The following PBK variants were observed in gnomAD, a reference collection of about 807,000 sequenced individuals.
PBK encodes lymphokine-activated killer T-cell-originated protein kinase.
In PBK, 22 loss-of-function variants were observed where a neutral mutation model predicts 33.5. The ratio of observed to expected loss-of-function variants is 0.66; its 90% CI spans 0.47 to 0.94. PBK has a LOEUF of 0.94. PBK is among the 40% of genes least tolerant of loss of function. The probability of loss-of-function intolerance (pLI) is 0.00; values close to 1 mark genes in which losing one functional copy is unlikely to be tolerated. For missense variants in PBK, 376 were observed against 383.4 expected (o/e 0.98, Z 0.16); for synonymous variants, 129 against 123.8 (o/e 1.04, Z -0.28).
chr8:27,837,524 C>T (rs1806249100), intron 1 of PBK, 128 bp downstream of exon 1: 2 of 152,234 alleles, frequency 1.3e-5, no homozygotes, highest in African/African-American at 4.8e-5. Flanking sequence ...CAGGGGCTCA[C>T]AAGGGGCTGG....
chr8:27,835,553 A>ATT (rs5890383), intron 1 of PBK, among the ~76,000 whole-genome samples: 86 of 145,250 alleles, frequency 5.9e-4, no homozygotes, highest in Middle Eastern at 7.1e-3. Flanking sequence ...ATCTTCTAAG[A>ATT]TTTTTTTTTT....
At chr8:27,817,288 G>C (rs916059659) in intron 6 of PBK, among the ~76,000 whole-genome samples, 3 of 151,932 alleles carry the variant, frequency 2.0e-5, no homozygotes, top group Non-Finnish European at 2.9e-5. Flanking sequence ...AGGGTTTATG[G>C]CTACAAAGGA....
intron 6 of PBK, among the ~76,000 whole-genome samples, chr8:27,814,496 TA>T (rs1201387343): frequency 2.0e-5 from 3 of 152,152 alleles, no homozygotes; most frequent in Non-Finnish European, 4.4e-5. Context: ...GTTAATATTT[TA>T]TAGTATTTGT....
At position 27,820,732 on chromosome 8, in the gene PBK, C is replaced by T. The variant is rs144126371; in HGVS notation, c.466-38G>A. ...AAAATTTAACACATATGTGCAGAAA[C>T]ACAAACTAATAAAAAAATGTGATAA... On this transcript the variant is annotated intron_variant, in intron 5 of 7. Transcript: ENST00000301905. 4.9e-6 allele frequency: 6 copies of T among 1,215,142 alleles called. No individual in the cohort carries two copies. In the African/African-American group the frequency reaches 6.2e-5, roughly 13 times the overall value. The allele number at this position is 1,215,142 out of a possible 1,614,324, so 75.3% of individuals were successfully genotyped here.
intron 6 of PBK, among the ~76,000 whole-genome samples, chr8:27,814,753 C>G (rs1187750401): frequency 6.6e-6 from 1 of 152,120 alleles, no homozygotes; most frequent in African/African-American, 2.4e-5. Flanking sequence ...TTTTATTTGA[C>G]CCATAGGTTA....
In PBK at chr8:27,810,212, A is replaced by T; in HGVS notation, c.*93T>A. The stretch of plus-strand genomic sequence containing the variant: ...AGAAACTATGGTCCTCAAATATGCC[A>T]ATTTTAGAGTCTAATAACTACTGAT... On this transcript the variant is annotated 3_prime_UTR_variant, in exon 8 of 8. Coordinates refer to ENST00000301905, the MANE Select transcript of PBK (RefSeq NM_018492.4). The T allele has an allele frequency of 1.2e-6, 1 of 842,572 alleles. No individual in the cohort carries two copies. The highest frequency in any genetic ancestry group is 1.7e-5 in the African/African-American group (1 of 57,888). The allele number at this position is 842,572 out of a possible 1,614,324, so 52.2% of individuals were successfully genotyped here.
intron 6 of PBK, among the ~76,000 whole-genome samples, chr8:27,817,344 A>G (rs894274174): frequency 1.3e-5 from 2 of 152,178 alleles, no homozygotes; most frequent in African/African-American, 4.8e-5. Context: ...ACTGCTCTAG[A>G]AAGTCTTGCT....
chr8:27,837,443 A>T (rs1806247221), intron 1 of PBK, among the ~76,000 whole-genome samples: 1 of 152,046 alleles, frequency 6.6e-6, no homozygotes, highest in Non-Finnish European at 1.5e-5. Flanking sequence ...GGGCCGCATG[A>T]CTCTCAGGTC....
intron 5 of PBK, among the ~76,000 whole-genome samples, chr8:27,821,694 A>G (rs1805932212): frequency 6.6e-6 from 1 of 152,194 alleles, no homozygotes; most frequent in South Asian, 2.1e-4. Context: ...GCAGATTTCA[A>G]AAGATACCAC....
intron 2 of PBK, among the ~76,000 whole-genome samples, chr8:27,831,879 A>C (rs1806138487): frequency 6.6e-6 from 1 of 152,144 alleles, no homozygotes; most frequent in Non-Finnish European, 1.5e-5. Flanking sequence ...AACTCTTCCT[A>C]CTAAGAAAAC....
At chr8:27,835,350 A>G (rs1459316270) in intron 1 of PBK, among the ~76,000 whole-genome samples, 1 of 152,196 alleles carries the variant, frequency 6.6e-6, no homozygotes, top group Non-Finnish European at 1.5e-5. Flanking sequence ...GAAGTGACCC[A>G]TTTAACTTGA....
In PBK at chr8:27,822,311, A is replaced by G; in HGVS notation, c.465+8T>C. 1 of 1,566,298 alleles carries G rather than the reference A, an allele frequency of 6.4e-7. No homozygotes were observed. On this transcript the variant is annotated splice_region_variant and intron_variant, in intron 5 of 7. Transcript: ENST00000301905. Reference sequence around the variant, plus strand: ...CAGAAGTCATTTAAAATATAATGACATAGTTACCTTTAACCCTCTTGCCAT... The same window carrying G: ...CAGAAGTCATTTAAAATATAATGACGTAGTTACCTTTAACCCTCTTGCCAT...
chr8:27,826,850 A>T (rs542641047), intron 3 of PBK, among the ~76,000 whole-genome samples: 2 of 152,086 alleles, frequency 1.3e-5, no homozygotes, highest in African/African-American at 4.8e-5. Context: ...ACTAAACCAC[A>T]TACAGTGTAA....
intron 3 of PBK, among the ~76,000 whole-genome samples, chr8:27,824,153 T>C (rs766197083): frequency 1.2e-4 from 19 of 152,142 alleles, no homozygotes; most frequent in Non-Finnish European, 2.2e-4. Context: ...TGATCTAAAC[T>C]ATTCTTAAAC....
At chr8:27,836,523 ATCAT>A (rs376335112) in intron 1 of PBK, among the ~76,000 whole-genome samples, 15 of 151,964 alleles carry the variant, frequency 9.9e-5, no homozygotes, top group African/African-American at 3.6e-4. Context: ...ACTAGGTAAG[ATCAT>A]CTAGGGAGTA....
At chr8:27,815,324 G>A (rs1805788903) in intron 6 of PBK, among the ~76,000 whole-genome samples, 4 of 152,142 alleles carry the variant, frequency 2.6e-5, no homozygotes, top group Admixed American at 6.5e-5. Context: ...TGTTAAGTGA[G>A]AACAAAAATA....
intron 6 of PBK, among the ~76,000 whole-genome samples, chr8:27,819,992 G>A (rs1036555703): frequency 6.6e-6 from 1 of 152,004 alleles, no homozygotes; most frequent in African/African-American, 2.4e-5. Flanking sequence ...TTTAACTTCT[G>A]TTGATATAAA....
At chr8:27,820,985 GGC>G (rs1805916565) in intron 5 of PBK, among the ~76,000 whole-genome samples, 2 of 151,512 alleles carry the variant, frequency 1.3e-5, no homozygotes, top group Non-Finnish European at 2.9e-5. Context: ...CACCACACCT[GGC>G]TAATTTTTGT....
chr8:27,823,714 C>T (rs921566830), intron 3 of PBK, among the ~76,000 whole-genome samples: 8 of 151,934 alleles, frequency 5.3e-5, no homozygotes, highest in Admixed American at 2.0e-4. Flanking sequence ...ACCACATGCT[C>T]AAAGATATGT....
Sources: gnomAD v4.1 joint callset for allele counts (sites outside exome capture counted in the v4.1 genomes callset) on GRCh38, gnomAD v4.1.1 for gene constraint, MANE v1.5 for transcripts, NCBI Gene and HGNC (gene_info 2026-07-23, HGNC 2026-07-21) for gene names.